Variants in EVI5 observed in about 807,000 individuals in gnomAD.
EVI5 encodes the protein ecotropic viral integration site 5.
EVI5 carries 73 observed loss-of-function variants against 112.0 expected under a neutral mutation model. The ratio of observed to expected loss-of-function variants is 0.65; its 90% CI spans 0.54 to 0.79. EVI5 has a LOEUF of 0.79. Among genes scored for constraint, EVI5 ranks in the 30% least tolerant of loss-of-function variants. The probability of loss-of-function intolerance (pLI) is 0.00; values close to 1 mark genes in which losing one functional copy is unlikely to be tolerated. For missense variants in EVI5, 900 were observed against 968.8 expected (o/e 0.93, Z 0.94); for synonymous variants, 305 against 319.9 (o/e 0.95, Z 0.50).
At position 92,511,130 on chromosome 1, in the gene EVI5, A is replaced by G. The variant is rs1316816326; in HGVS notation, c.*2526T>C. 6.6e-6 allele frequency: 1 copy of G among 152,168 alleles called. No homozygotes were observed. The highest frequency in any genetic ancestry group is 1.9e-4 in the East Asian group (1 of 5,192). The allele number at this position is 152,168 out of a possible 1,614,324, so 9.4% of individuals were successfully genotyped here. A position where few individuals can be genotyped will look rare whatever the true frequency, so the allele number is the denominator to read the frequency against. Reference sequence around the variant, plus strand: ...TATATTCAGGAAACATTTAAATCAAATTCATTTAAATTATGTTGTCAAAAA... The same window carrying G: ...TATATTCAGGAAACATTTAAATCAAGTTCATTTAAATTATGTTGTCAAAAA... On this transcript the variant is annotated 3_prime_UTR_variant, in exon 20 of 20. Coordinates refer to ENST00000684568, the MANE Select transcript of EVI5 (RefSeq NM_001350197.2).
At chr1:92,631,700 A>G (rs1252842569) in intron 14 of EVI5, among the ~76,000 whole-genome samples, 1 of 152,206 alleles carries the variant, frequency 6.6e-6, no homozygotes, top group East Asian at 1.9e-4. Flanking sequence ...TGCCCTGGCC[A>G]GAACTTCCAA....
intron 8 of EVI5, 93 bp from the exon 9 acceptor site, chr1:92,693,992 T>C (rs1363459637): frequency 1.2e-6 from 1 of 810,172 alleles, no homozygotes; most frequent in Non-Finnish European, 2.0e-6. Flanking sequence ...CTGGGCGTGG[T>C]GGCTCATGCT....
intron 9 of EVI5, among the ~76,000 whole-genome samples, chr1:92,686,053 C>T (rs75520917): frequency 6.6e-6 from 1 of 152,168 alleles, no homozygotes; most frequent in South Asian, 2.1e-4. Flanking sequence ...TTTTATGAGG[C>T]TAGCATCATC....
At chr1:92,755,239 T>C (rs1483379331) in intron 1 of EVI5, among the ~76,000 whole-genome samples, 1 of 151,860 alleles carries the variant, frequency 6.6e-6, no homozygotes, top group Non-Finnish European at 1.5e-5. Flanking sequence ...TGAAACCCCG[T>C]CTCCACTAAA....
chr1:92,561,666 AGAG>A (rs1668660738), intron 19 of EVI5, among the ~76,000 whole-genome samples: 1 of 109,506 alleles, frequency 9.1e-6, no homozygotes, highest in African/African-American at 3.4e-5. Context: ...TCTATCTATC[AGAG>A]TCTCACTCTG....
intron 2 of EVI5, among the ~76,000 whole-genome samples, chr1:92,726,577 A>T (rs6604013): frequency 6.6e-6 from 1 of 152,016 alleles, no homozygotes; most frequent in East Asian, 1.9e-4. Context: ...AAAGTATTTC[A>T]AGAAGGAAAT....
At chr1:92,679,124 G>A (rs1667201318) in intron 9 of EVI5, among the ~76,000 whole-genome samples, 1 of 152,168 alleles carries the variant, frequency 6.6e-6, no homozygotes. Flanking sequence ...TCTCAAAGGA[G>A]TGCAAACCCT....
intron 19 of EVI5, among the ~76,000 whole-genome samples, chr1:92,528,513 A>G (rs756363026): frequency 1.3e-5 from 2 of 152,238 alleles, no homozygotes; most frequent in Non-Finnish European, 2.9e-5. Context: ...AACAGGGCTC[A>G]TAACAGTTTT....
chr1:92,565,097 T>C (rs571079480), intron 18 of EVI5, among the ~76,000 whole-genome samples: 93 of 152,336 alleles, frequency 6.1e-4, no homozygotes, highest in Non-Finnish European at 9.8e-4. Flanking sequence ...TCCGGAGCCA[T>C]CTACTGAAAC....
At position 92,526,588 on chromosome 1, in the gene EVI5, A is replaced by G. The variant is rs1389577264; in HGVS notation, c.2167-12618T>C. ...CCTTAAATGCATATTGCAAAGCAAAAGAAGCTTATCTGAAAAAGGCCAGAT... is the reference window on the plus strand; with the variant it reads ...CCTTAAATGCATATTGCAAAGCAAAGGAAGCTTATCTGAAAAAGGCCAGAT... On this transcript the variant is annotated intron_variant, in intron 19 of 19. Coordinates refer to ENST00000684568, the MANE Select transcript of EVI5 (RefSeq NM_001350197.2). 2.6e-5 allele frequency among the ~76,000 whole-genome samples: 4 copies of G among 152,208 alleles called. No individual in the cohort carries two copies. In the East Asian group the frequency reaches 7.7e-4, roughly 29 times the overall value.
At chr1:92,625,666 G>T in intron 15 of EVI5, 128 bp downstream of exon 15, 1 of 656,650 alleles carries the variant, frequency 1.5e-6, no homozygotes, top group Non-Finnish European at 2.6e-6. Flanking sequence ...TCTCAATTTT[G>T]ACATTAAACA....
chr1:92,780,188 C>T (rs886744598), intron 1 of EVI5, among the ~76,000 whole-genome samples: 1 of 152,254 alleles, frequency 6.6e-6, no homozygotes, highest in Admixed American at 6.5e-5. Context: ...ATTCGCTCTC[C>T]TGTTCCCCTG....
At chr1:92,627,843 G>A (rs926993406) in intron 14 of EVI5, among the ~76,000 whole-genome samples, 3 of 151,846 alleles carry the variant, frequency 2.0e-5, no homozygotes, top group East Asian at 1.9e-4. Flanking sequence ...AGGCTGGAGC[G>A]CAATGGCACA....
intron 19 of EVI5, among the ~76,000 whole-genome samples, chr1:92,527,970 C>G (rs923600793): frequency 1.3e-5 from 2 of 152,156 alleles, no homozygotes; most frequent in Non-Finnish European, 2.9e-5. Context: ...ACTCATTTCT[C>G]TAGAGTGTAA....
upstream of EVI5, among the ~76,000 whole-genome samples, chr1:92,788,798 GCAA>G (rs1165457403): frequency 6.6e-6 from 1 of 151,722 alleles, no homozygotes; most frequent in African/African-American, 2.4e-5. Context: ...TGTCTCAACA[GCAA>G]CAACAACAAC....
intron 2 of EVI5, chr1:92,732,337 G>A: frequency 2.6e-6 from 1 of 386,210 alleles, no homozygotes; most frequent in African/African-American, 2.1e-5. Context: ...CTGCCACTCA[G>A]TAACTTGTTA....
rs148233455 is a variant in EVI5, at chr1:92,584,990, G to A, written c.2070+20317C>T. Among the ~76,000 whole-genome samples, 275 of 152,184 alleles carry A rather than the reference G, an allele frequency of 1.8e-3. 2 individuals carry two copies. Among genetic ancestry groups the A allele is most frequent in the Middle Eastern group, 0.01 (3 of 294 alleles). On this transcript the variant is annotated intron_variant, in intron 18 of 19. Transcript: ENST00000684568. Reference sequence around the variant, plus strand: ...CATAATCTCAGCACTTTGGGAGGCCGAGGTGAGCAGATCACCTGAGGTCAG... The same window carrying A: ...CATAATCTCAGCACTTTGGGAGGCCAAGGTGAGCAGATCACCTGAGGTCAG...
intron 9 of EVI5, among the ~76,000 whole-genome samples, chr1:92,683,678 G>A (rs1667977745): frequency 1.3e-5 from 2 of 152,258 alleles, no homozygotes; most frequent in South Asian, 4.1e-4. Context: ...TTAGATGATT[G>A]GCTAACTAGA....
chr1:92,785,887 C>A (rs55653993), upstream of EVI5, among the ~76,000 whole-genome samples: 1 of 151,858 alleles, frequency 6.6e-6, no homozygotes, highest in East Asian at 1.9e-4. Flanking sequence ...GGAGACCAAT[C>A]TGGCCAACAT....
Sources: allele counts gnomAD v4.1 joint callset (sites outside exome capture counted in the v4.1 genomes callset), GRCh38; gene constraint gnomAD v4.1.1; transcripts MANE v1.5; gene names NCBI Gene and HGNC (gene_info 2026-07-23, HGNC 2026-07-21).